The following RIMS1 variants were observed in gnomAD, a reference collection of about 807,000 sequenced individuals.
RIMS1 encodes regulating synaptic membrane exocytosis 1.
A neutral mutation model predicts 214.1 loss-of-function variants in RIMS1; 83 were observed. The observed-to-expected ratio is 0.39, with a 90% CI of 0.32 to 0.47. The LOEUF (loss-of-function observed/expected upper bound fraction) is 0.47, where lower values mean the gene tolerates loss of function less well. Ranked by LOEUF, RIMS1 falls within the 20% of genes least tolerant of loss-of-function variation. The pLI is 0.99. For missense variants in RIMS1, 2,050 were observed against 2,161.8 expected, an observed-to-expected ratio of 0.95 and a Z score of 1.03; for synonymous variants, 793 against 786.8, an observed-to-expected ratio of 1.01 and a Z score of -0.13.
At chr6:72,076,965 T>TA (rs1447477724) in intron 2 of RIMS1, among the ~76,000 whole-genome samples, 1 of 152,028 alleles carries the variant, frequency 6.6e-6, no homozygotes, top group Non-Finnish European at 1.5e-5. Flanking sequence ...TAGAAGAAAA[T>TA]AAAAAATTCC....
At chr6:72,033,274 A>G (rs1305329567) in intron 2 of RIMS1, among the ~76,000 whole-genome samples, 2 of 152,238 alleles carry the variant, frequency 1.3e-5, no homozygotes, top group Non-Finnish European at 1.5e-5. Context: ...ATGTTACAGT[A>G]TGCTGACCTC....
At chr6:72,367,426 C>T (rs1388934198) in intron 29 of RIMS1, among the ~76,000 whole-genome samples, 1 of 151,964 alleles carries the variant, frequency 6.6e-6, no homozygotes, top group Non-Finnish European at 1.5e-5. Flanking sequence ...CTAAATTTTG[C>T]CTTTTATTTT....
intron 7 of RIMS1, among the ~76,000 whole-genome samples, 171 bp downstream of exon 7, chr6:72,234,011 CAA>C (rs1351898879): frequency 2.6e-5 from 4 of 151,722 alleles, no homozygotes; most frequent in African/African-American, 7.3e-5. Context: ...ATAATTATAA[CAA>C]ATTTTAAATT....
intron 2 of RIMS1, among the ~76,000 whole-genome samples, chr6:71,994,994 A>G (rs1036092106): frequency 6.6e-6 from 1 of 152,212 alleles, no homozygotes; most frequent in African/African-American, 2.4e-5. Context: ...AAAGAAATAG[A>G]TGTTCTGAAT....
At chr6:72,258,007 G>T in intron 16 of RIMS1, 118 bp from the exon 17 acceptor site, 1 of 875,238 alleles carries the variant, frequency 1.1e-6, no homozygotes. Context: ...AATACCGATT[G>T]CATGACATTT....
intron 4 of RIMS1, among the ~76,000 whole-genome samples, chr6:72,141,321 A>T (rs2042052107): frequency 6.6e-6 from 1 of 151,990 alleles, no homozygotes; most frequent in Admixed American, 6.6e-5. Context: ...GTTACTAGAA[A>T]ATAACTCTAG....
chr6:71,987,397 G>A (rs573142077), intron 2 of RIMS1, among the ~76,000 whole-genome samples: 10 of 152,132 alleles, frequency 6.6e-5, no homozygotes, highest in Non-Finnish European at 1.3e-4. Flanking sequence ...CCTCACAGGC[G>A]GAGAGCAGAG....
chr6:72,066,384 T>C (rs1022654100), intron 2 of RIMS1, among the ~76,000 whole-genome samples: 2 of 152,228 alleles, frequency 1.3e-5, no homozygotes, highest in African/African-American at 4.8e-5. Flanking sequence ...TTCAGTATTA[T>C]AATAAATGCT....
At chr6:72,299,370 C>T (rs911514148) in intron 26 of RIMS1, among the ~76,000 whole-genome samples, 1 of 151,750 alleles carries the variant, frequency 6.6e-6, no homozygotes, top group African/African-American at 2.4e-5. Flanking sequence ...GAATGAAAGG[C>T]AATTAAAGTA....
At chr6:72,123,339 G>A (rs962780086) in intron 4 of RIMS1, among the ~76,000 whole-genome samples, 3 of 151,904 alleles carry the variant, frequency 2.0e-5, no homozygotes, top group Non-Finnish European at 4.4e-5. Context: ...CTGAGAGACA[G>A]TTTGTTGTGA....
intron 8 of RIMS1, 142 bp downstream of exon 8, chr6:72,235,870 A>G (rs2063802331): frequency 2.7e-6 from 1 of 376,906 alleles, no homozygotes; most frequent in African/African-American, 2.5e-5. Context: ...TATGTTAGGA[A>G]AATTGAATAA....
chr6:71,935,350 T>C (rs1044882405), intron 1 of RIMS1, among the ~76,000 whole-genome samples: 9 of 152,248 alleles, frequency 5.9e-5, no homozygotes, highest in African/African-American at 2.2e-4. Context: ...TATCAATTAA[T>C]AGTATGTCAG....
At chr6:72,349,054 G>C (rs2097360315) in intron 29 of RIMS1, among the ~76,000 whole-genome samples, 1 of 151,944 alleles carries the variant, frequency 6.6e-6, no homozygotes, top group Non-Finnish European at 1.5e-5. Context: ...TTTCAAGTAA[G>C]CTAGTGAATT....
chr6:72,228,031 G>A (rs1221311661), intron 6 of RIMS1, among the ~76,000 whole-genome samples: 5 of 151,804 alleles, frequency 3.3e-5, no homozygotes, highest in Non-Finnish European at 7.4e-5. Flanking sequence ...CATATTTATT[G>A]TATACAACTT....
Position 72,242,435 on chromosome 6 carries a change from T to C in RIMS1, c.2079T>C (p.Ile693=). The C allele has an allele frequency of 6.5e-7, 1 of 1,544,244 alleles. No individual in the cohort carries two copies. The highest frequency in any genetic ancestry group is 8.7e-7 in the Non-Finnish European group (1 of 1,145,566). Residue 693 remains isoleucine, a splice_region_variant and synonymous_variant, in exon 10 of 34, where the codon ATT becomes ATC. Coordinates refer to ENST00000521978, the MANE Select transcript of RIMS1 (RefSeq NM_014989.7). The part of the protein sequence containing the change: ...PQVEIIVSRP[I]GDIPRIPESS... ...TTGAAATTATTGTTTCAAGGCCTAT[T>C]GGGTAAGGCTAAAAAAACTTACTTC...
intron 23 of RIMS1, among the ~76,000 whole-genome samples, chr6:72,279,495 A>G (rs2088857753): frequency 6.6e-6 from 1 of 152,062 alleles, no homozygotes; most frequent in African/African-American, 2.4e-5. Flanking sequence ...TTGTGAATAA[A>G]GGGAGAAAAA....
In RIMS1 at chr6:72,158,393, G is replaced by A. The variant is rs541498510; in HGVS notation, c.472-21182G>A. ...GAAAATAATGTGTCTTTTATCTCTG[G>A]TTGTTTTAAAAAGATTGTATTTTTT... is the stretch of plus-strand genomic sequence containing the variant. On this transcript the variant is annotated intron_variant, in intron 4 of 33. Transcript: ENST00000521978. 2.1e-5 allele frequency among the ~76,000 whole-genome samples: 3 copies of A among 139,972 alleles called. 1 individual carries two copies. In the South Asian group the frequency reaches 7.1e-4, roughly 33 times the overall value. 91.8% of individuals were successfully genotyped at this position (139,972 alleles called of 152,430 possible).
intron 2 of RIMS1, among the ~76,000 whole-genome samples, chr6:71,992,851 G>T (rs1380276861): frequency 1.3e-5 from 2 of 151,992 alleles, no homozygotes; most frequent in South Asian, 2.1e-4. Flanking sequence ...TGTAGAGATG[G>T]GGTTTCACCA....
chr6:72,344,721 A>G (rs956945731), intron 29 of RIMS1, among the ~76,000 whole-genome samples: 1 of 151,694 alleles, frequency 6.6e-6, no homozygotes, highest in Non-Finnish European at 1.5e-5. Context: ...GGAATTCACT[A>G]CTGTTAATAG....
Sources: allele counts gnomAD v4.1 joint callset (sites outside exome capture counted in the v4.1 genomes callset), GRCh38; gene constraint gnomAD v4.1.1; transcripts MANE v1.5; gene names NCBI Gene and HGNC (gene_info 2026-07-23, HGNC 2026-07-21).